Variants in CTNND2 observed in about 807,000 individuals in gnomAD.
CTNND2 encodes the protein catenin delta 2.
Under a neutral mutation model 144.4 loss-of-function variants are expected in CTNND2, and 22 were observed. That is an observed-to-expected ratio of 0.15 (90% CI 0.11 to 0.22). CTNND2 has a LOEUF of 0.22. Among genes scored for constraint, CTNND2 ranks in the 10% least tolerant of loss-of-function variants. The pLI is 1.00. For missense variants in CTNND2, 1,353 were observed against 1,618.8 expected (o/e 0.84, Z 2.82); for synonymous variants, 751 against 695.6 (o/e 1.08, Z -1.25).
intron 15 of CTNND2, among the ~76,000 whole-genome samples, chr5:11,088,492 C>T: frequency 6.6e-6 from 1 of 152,130 alleles, no homozygotes; most frequent in Admixed American, 6.5e-5. Flanking sequence ...AGTCAGAAAA[C>T]TTTTCATCTA....
At chr5:11,861,899 G>T (rs892104882) in intron 1 of CTNND2, among the ~76,000 whole-genome samples, 4 of 152,122 alleles carry the variant, frequency 2.6e-5, no homozygotes, top group African/African-American at 9.7e-5. Context: ...TATCTACAAG[G>T]CTCCCATCCC....
chr5:11,849,361 G>A (rs555255003), intron 1 of CTNND2, among the ~76,000 whole-genome samples: 1 of 152,198 alleles, frequency 6.6e-6, no homozygotes, highest in South Asian at 2.1e-4. Flanking sequence ...ATTTGGGTAG[G>A]GACACAGCCA....
intron 3 of CTNND2, among the ~76,000 whole-genome samples, chr5:11,422,546 G>A (rs1053455670): frequency 1.3e-5 from 2 of 152,124 alleles, no homozygotes; most frequent in Non-Finnish European, 2.9e-5. Flanking sequence ...CCCACACCAC[G>A]GCCTGGACAC....
chr5:11,689,503 T>C (rs751867107), intron 2 of CTNND2, among the ~76,000 whole-genome samples: 1 of 152,322 alleles, frequency 6.6e-6, no homozygotes, highest in South Asian at 2.1e-4. Context: ...AAAAACAGAA[T>C]CATACTGCAT....
At chr5:11,715,973 C>A (rs150166420) in intron 2 of CTNND2, among the ~76,000 whole-genome samples, 1 of 152,144 alleles carries the variant, frequency 6.6e-6, no homozygotes, top group Non-Finnish European at 1.5e-5. Flanking sequence ...AACTCTCTAT[C>A]GTAGACAAGC....
intron 18 of CTNND2, among the ~76,000 whole-genome samples, chr5:10,995,070 C>T (rs538952912): frequency 6.6e-6 from 1 of 152,166 alleles, no homozygotes; most frequent in South Asian, 2.1e-4. Flanking sequence ...ATATGGTTAC[C>T]GAAGAGGGAC....
chr5:11,039,943 T>A (rs1744513876), intron 16 of CTNND2, among the ~76,000 whole-genome samples: 1 of 152,124 alleles, frequency 6.6e-6, no homozygotes, highest in African/African-American at 2.4e-5. Flanking sequence ...GTGCCTGTAG[T>A]CCCAGCTACT....
chr5:11,338,144 T>G (rs565572280), intron 9 of CTNND2, among the ~76,000 whole-genome samples: 9 of 152,238 alleles, frequency 5.9e-5, no homozygotes, highest in Admixed American at 2.6e-4. Context: ...GAACAAGGTG[T>G]GTAGCAGGGG....
At chr5:11,739,284 G>A (rs1787865018) in intron 1 of CTNND2, among the ~76,000 whole-genome samples, 1 of 152,112 alleles carries the variant, frequency 6.6e-6, no homozygotes, top group Non-Finnish European at 1.5e-5. Context: ...TAATTGGAAG[G>A]CAGAACTGGT....
intron 2 of CTNND2, among the ~76,000 whole-genome samples, chr5:11,567,673 C>G (rs985209306): frequency 3.3e-5 from 5 of 152,186 alleles, no homozygotes; most frequent in Admixed American, 6.5e-5. Flanking sequence ...TCAAACATCT[C>G]TAAAAATTTC....
intron 2 of CTNND2, among the ~76,000 whole-genome samples, chr5:11,585,175 T>C (rs1778749141): frequency 6.6e-6 from 1 of 152,102 alleles, no homozygotes; most frequent in South Asian, 2.1e-4. Flanking sequence ...AGAGTCTGTC[T>C]GATATCATAT....
At chr5:11,234,516 G>T (rs1241909719) in intron 10 of CTNND2, among the ~76,000 whole-genome samples, 1 of 152,202 alleles carries the variant, frequency 6.6e-6, no homozygotes, top group Non-Finnish European at 1.5e-5. Flanking sequence ...TCATCCATCT[G>T]CCATGACTCA....
At chr5:11,338,783 A>C (rs1753966620) in intron 9 of CTNND2, among the ~76,000 whole-genome samples, 1 of 152,236 alleles carries the variant, frequency 6.6e-6, no homozygotes, top group Non-Finnish European at 1.5e-5. Context: ...ACTGTGTGTG[A>C]ACATTACTTT....
intron 9 of CTNND2, among the ~76,000 whole-genome samples, chr5:11,248,570 T>C (rs1444716869): frequency 1.3e-5 from 2 of 152,198 alleles, no homozygotes; most frequent in African/African-American, 4.8e-5. Context: ...GAGCACACTT[T>C]CTTATAAATT....
chr5:11,791,219 T>A (rs1337608173), intron 1 of CTNND2, among the ~76,000 whole-genome samples: 2 of 152,218 alleles, frequency 1.3e-5, no homozygotes, highest in Admixed American at 1.3e-4. Context: ...AAGGGTAAGA[T>A]AATACATTTC....
chr5:11,893,123 A>T (rs977352234), intron 1 of CTNND2, among the ~76,000 whole-genome samples: 1 of 152,196 alleles, frequency 6.6e-6, no homozygotes, highest in Non-Finnish European at 1.5e-5. Context: ...AAGCCATATA[A>T]ACTCATATTA....
chr5:11,290,346 G>T (rs1000559895), intron 9 of CTNND2, among the ~76,000 whole-genome samples: 1 of 152,124 alleles, frequency 6.6e-6, no homozygotes, highest in African/African-American at 2.4e-5. Flanking sequence ...GATGCTCATC[G>T]CATAAGAAGA....
At position 10,998,888 on chromosome 5, in the gene CTNND2, G is replaced by A. The variant is rs137887640; in HGVS notation, c.3085-6211C>T. ...ACTGCACCATTTTATTAATACAGCC[G>A]GGACTTGAGCATCTACAAATTCTGG... On this transcript the variant is annotated intron_variant, in intron 18 of 21. Transcript: ENST00000304623. Among the ~76,000 whole-genome samples, 1,089 of 152,138 alleles carry A rather than the reference G, an allele frequency of 7.2e-3. 15 individuals carry two copies. Among genetic ancestry groups the A allele is most frequent in the African/African-American group, 0.024 (1,010 of 41,498 alleles).
intron 7 of CTNND2, among the ~76,000 whole-genome samples, chr5:11,374,077 C>T (rs1484107762): frequency 6.6e-6 from 1 of 152,116 alleles, no homozygotes; most frequent in African/African-American, 2.4e-5. Flanking sequence ...GGGGTCAGTG[C>T]TGTGATGATC....
Sources: allele counts gnomAD v4.1 joint callset (sites outside exome capture counted in the v4.1 genomes callset), GRCh38; gene constraint gnomAD v4.1.1; transcripts MANE v1.5; gene names NCBI Gene and HGNC (gene_info 2026-07-23, HGNC 2026-07-21).